The following IMMT variants were observed in gnomAD, a reference collection of about 807,000 sequenced individuals.
IMMT encodes inner membrane mitochondrial protein.
Under a neutral mutation model 92.7 loss-of-function variants are expected in IMMT, and 40 were observed. The observed-to-expected ratio is 0.43, with a 90% CI of 0.34 to 0.56. IMMT has a LOEUF of 0.56. Ranked by LOEUF, IMMT falls within the 20% of genes least tolerant of loss-of-function variation. The pLI is 0.03. For synonymous variants in IMMT, 322 were observed against 336.1 expected, an observed-to-expected ratio of 0.96 and a Z score of 0.46; for missense variants, 831 against 912.1, an observed-to-expected ratio of 0.91 and a Z score of 1.14.
At chr2:86,187,520 T>C (rs1308037113) in intron 1 of IMMT, among the ~76,000 whole-genome samples, 2 of 152,234 alleles carry the variant, frequency 1.3e-5, no homozygotes, top group African/African-American at 4.8e-5. Context: ...GTGAATAATG[T>C]TGCTATGAAT....
In IMMT at chr2:86,146,009, T is replaced by C. The variant is rs914319240; in HGVS notation, c.1663+59A>G. 11 of 1,345,598 alleles carry C rather than the reference T, an allele frequency of 8.2e-6. No homozygotes were observed. In the East Asian group the frequency reaches 1.1e-4, roughly 13 times the overall value. 83.4% of individuals were successfully genotyped at this position (1,345,598 alleles called of 1,614,324 possible). A position where few individuals can be genotyped will look rare whatever the true frequency, so the allele number is the denominator to read the frequency against. ...ATGTACCCCATTTTCCCTATAAAAT[T>C]ATTTTGATAAATTATGCTGAGGAAA... On this transcript the variant is annotated intron_variant, in intron 14 of 14. Coordinates refer to ENST00000410111, the MANE Select transcript of IMMT (RefSeq NM_006839.3).
intron 1 of IMMT, 63 bp from the exon 2 acceptor site, chr2:86,181,435 G>A: frequency 1.8e-6 from 2 of 1,099,332 alleles, no homozygotes; most frequent in South Asian, 1.3e-5. Context: ...TTTTAGGGTT[G>A]GTAATACAGA....
chr2:86,176,810 C>G (rs1677457753), intron 3 of IMMT, among the ~76,000 whole-genome samples: 1 of 152,174 alleles, frequency 6.6e-6, no homozygotes, highest in African/African-American at 2.4e-5. Flanking sequence ...GAAAAGAACA[C>G]TTCTCTGAAT....
At chr2:86,194,906 C>T (rs1342249285) in intron 1 of IMMT, 1 of 187,396 alleles carries the variant, frequency 5.3e-6, no homozygotes, top group Non-Finnish European at 1.2e-5. Context: ...TGGACTCTCG[C>T]TAGAAGTCCA....
chr2:86,160,579 C>T (rs1477339569), intron 8 of IMMT, among the ~76,000 whole-genome samples: 1 of 152,156 alleles, frequency 6.6e-6, no homozygotes, highest in Non-Finnish European at 1.5e-5. Context: ...ACTTCCTTCT[C>T]TACTAATAAT....
intron 12 of IMMT, among the ~76,000 whole-genome samples, chr2:86,148,884 G>A (rs1675251343): frequency 6.6e-6 from 1 of 150,420 alleles, no homozygotes; most frequent in Non-Finnish European, 1.5e-5. Context: ...AAGTATTTAT[G>A]AAGTGCTACT....
intron 10 of IMMT, among the ~76,000 whole-genome samples, chr2:86,155,630 G>C (rs578102574): frequency 1.3e-5 from 2 of 152,352 alleles, no homozygotes; most frequent in Admixed American, 6.5e-5. Flanking sequence ...CACAGAAAGA[G>C]TACTGGATGT....
In IMMT at chr2:86,170,761, C is replaced by CT; in HGVS notation, c.642dup (p.Val215SerfsTer2). On this transcript the variant is annotated frameshift_variant, in exon 6 of 15. Coordinates refer to ENST00000410111, the MANE Select transcript of IMMT (RefSeq NM_006839.3). LOFTEE classifies it high-confidence loss of function. ...CTGGTTTACATACACTCAATTTTAA[C>CT]TTGTTCTTGTTTTTCCTGTTGTGCA... 6.3e-7 allele frequency: 1 copy of CT among 1,577,632 alleles called. No homozygotes were observed. Among genetic ancestry groups the CT allele is most frequent in the Non-Finnish European group, 8.6e-7 (1 of 1,159,624 alleles).
intron 3 of IMMT, among the ~76,000 whole-genome samples, chr2:86,177,600 CAAAAGAAAAAA>C (rs1167279129): frequency 7.2e-6 from 1 of 139,082 alleles, no homozygotes; most frequent in Non-Finnish European, 1.5e-5. Context: ...GACTCTGTCT[CAAAAGAAAAAA>C]AAAAGAAAAA....
intron 1 of IMMT, chr2:86,194,877 A>C (rs1489540729): frequency 1.1e-5 from 2 of 175,110 alleles, no homozygotes; most frequent in Non-Finnish European, 2.7e-5. Flanking sequence ...AGATAATTAC[A>C]ACCTTGACCC....
chr2:86,146,208 A>G lies in IMMT; in HGVS notation c.1534-11T>C, dbSNP rs1222048761. On this transcript the variant is annotated splice_polypyrimidine_tract_variant and intron_variant, in intron 13 of 14. Coordinates refer to ENST00000410111, the MANE Select transcript of IMMT (RefSeq NM_006839.3). ...TTTCTCAGACAGGTTCTGAAATAAA[A>G]CAGAAATAGTTCCAGAAAAAAGTGA... The G allele has an allele frequency of 2.5e-6, 4 of 1,597,452 alleles. No individual in the cohort carries two copies. The East Asian group carries it at 6.7e-5, about 27-fold the overall frequency.
At chr2:86,145,650 C>A (rs1368165808) in intron 14 of IMMT, among the ~76,000 whole-genome samples, 1 of 151,754 alleles carries the variant, frequency 6.6e-6, no homozygotes, top group African/African-American at 2.4e-5. Flanking sequence ...TTATTAATAC[C>A]CTCATTGTCA....
intron 1 of IMMT, among the ~76,000 whole-genome samples, chr2:86,194,443 C>A (rs1283658770): frequency 2.6e-5 from 4 of 152,098 alleles, no homozygotes; most frequent in African/African-American, 9.7e-5. Flanking sequence ...GGAAGAGAAG[C>A]GAACTTGAAA....
chr2:86,155,953 GAATA>G (rs1675826364), intron 10 of IMMT, among the ~76,000 whole-genome samples: 2 of 152,142 alleles, frequency 1.3e-5, no homozygotes, highest in Admixed American at 6.6e-5. Flanking sequence ...TTTGTATTGT[GAATA>G]TATACTCTAT....
intron 7 of IMMT, among the ~76,000 whole-genome samples, chr2:86,165,801 A>C (rs1387984695): frequency 6.6e-6 from 1 of 152,216 alleles, no homozygotes; most frequent in African/African-American, 2.4e-5. Flanking sequence ...GGAACATGAG[A>C]GCTCTCTGTA....
At chr2:86,177,746 C>A (rs1677533152) in intron 3 of IMMT, among the ~76,000 whole-genome samples, 1 of 152,090 alleles carries the variant, frequency 6.6e-6, no homozygotes, top group Non-Finnish European at 1.5e-5. Flanking sequence ...CTAAAAGGAA[C>A]CATTACTAAC....
At chr2:86,169,522 G>C (rs1384732852) in intron 6 of IMMT, among the ~76,000 whole-genome samples, 1 of 152,054 alleles carries the variant, frequency 6.6e-6, no homozygotes, top group Admixed American at 6.6e-5. Context: ...CAAAACAAAT[G>C]ACAAGGAGAT....
At chr2:86,168,212 T>G (rs1676849223) in intron 6 of IMMT, among the ~76,000 whole-genome samples, 1 of 152,234 alleles carries the variant, frequency 6.6e-6, no homozygotes, top group African/African-American at 2.4e-5. Flanking sequence ...TAAGATCACA[T>G]TTCTATATGC....
At chr2:86,150,827 A>T (rs1486554174) in intron 12 of IMMT, among the ~76,000 whole-genome samples, 5 of 152,096 alleles carry the variant, frequency 3.3e-5, no homozygotes, top group African/African-American at 1.2e-4. Flanking sequence ...CCTTTCCTAG[A>T]AGTTCTGATG....
Sources: allele counts gnomAD v4.1 joint callset (sites outside exome capture counted in the v4.1 genomes callset), GRCh38; gene constraint gnomAD v4.1.1; transcripts MANE v1.5; gene names NCBI Gene and HGNC (gene_info 2026-07-23, HGNC 2026-07-21).